SPIRE1: variants seen among roughly 807,000 people sequenced by gnomAD.
SPIRE1 encodes the protein protein spire homolog 1.
SPIRE1 carries 40 observed loss-of-function variants against 94.1 expected under a neutral mutation model. The ratio of observed to expected loss-of-function variants is 0.43; its 90% CI spans 0.33 to 0.55. The LOEUF (loss-of-function observed/expected upper bound fraction) is 0.55, where lower values mean the gene tolerates loss of function less well. Ranked by LOEUF, SPIRE1 falls within the 20% of genes least tolerant of loss-of-function variation. The probability of loss-of-function intolerance (pLI) is 0.06; values close to 1 mark genes in which losing one functional copy is unlikely to be tolerated. For missense variants in SPIRE1, 838 were observed against 975.2 expected (o/e 0.86, Z 1.87); for synonymous variants, 376 against 371.7 (o/e 1.01, Z -0.13).
At chr18:12,539,903 G>A (rs527780097) in intron 3 of SPIRE1, among the ~76,000 whole-genome samples, 1 of 150,552 alleles carries the variant, frequency 6.6e-6, no homozygotes, top group Admixed American at 6.6e-5. Flanking sequence ...CTCCAGCCTG[G>A]GCAACAGAGA....
chr18:12,642,165 A>C (rs2038105040), intron 1 of SPIRE1, among the ~76,000 whole-genome samples: 1 of 152,162 alleles, frequency 6.6e-6, no homozygotes, highest in Admixed American at 6.5e-5. Context: ...AAAAGCATTC[A>C]TCTGTTCATT....
rs556575659 is a variant in SPIRE1, at chr18:12,533,300, G to A, written c.729+2176C>T. Among the ~76,000 whole-genome samples the A allele has an allele frequency of 1.6e-4, 25 of 152,268 alleles. No individual in the cohort carries two copies. In the South Asian group the frequency reaches 5.2e-3, roughly 32 times the overall value. ...TTTCTGCAGGCACTGCCACACAGCA[G>A]TTTTACTCCACCTGTCAGCTTTTTC... On this transcript the variant is annotated intron_variant, in intron 4 of 16. Transcript: ENST00000409402.
chr18:12,627,320 T>TC (rs1166782786), intron 2 of SPIRE1, among the ~76,000 whole-genome samples: 4 of 152,128 alleles, frequency 2.6e-5, no homozygotes, highest in African/African-American at 9.7e-5. Flanking sequence ...TGTTTGGTTT[T>TC]CCGTCCTTGC....
chr18:12,523,744 T>C (rs964046873), intron 4 of SPIRE1, among the ~76,000 whole-genome samples: 9 of 152,152 alleles, frequency 5.9e-5, no homozygotes, highest in Non-Finnish European at 1.3e-4. Flanking sequence ...TGCAAAATGG[T>C]GTAATCACAC....
At chr18:12,582,230 A>G (rs900552853) in intron 2 of SPIRE1, among the ~76,000 whole-genome samples, 4 of 152,246 alleles carry the variant, frequency 2.6e-5, no homozygotes, top group Admixed American at 1.3e-4. Context: ...CTATGCTTCA[A>G]TCCCCTTTGG....
In SPIRE1 at chr18:12,546,896, T is replaced by C; in HGVS notation, c.381A>G (p.Glu127=). ...YSQCMETEVI[E]SLGIIIYKAL... is the part of the protein sequence containing the mutation. ...CTTTATAAATAATAATTCCCAAAGA[T>C]TCAATGACCTAGGAACATTTAAAAA... The change falls in exon 3 of 17, where the codon GAA becomes GAG. Residue 127 remains glutamate, a synonymous_variant. Coordinates refer to ENST00000409402, the MANE Select transcript of SPIRE1 (RefSeq NM_001128626.2). 1 of 1,610,928 alleles carries C rather than the reference T, an allele frequency of 6.2e-7. No individual in the cohort carries two copies. The highest frequency in any genetic ancestry group is 1.1e-5 in the South Asian group (1 of 90,814).
At chr18:12,582,804 T>C (rs1432344155) in intron 2 of SPIRE1, among the ~76,000 whole-genome samples, 1 of 152,172 alleles carries the variant, frequency 6.6e-6, no homozygotes, top group African/African-American at 2.4e-5. Flanking sequence ...GTTCAATAAA[T>C]GTTCATTGAA....
rs368087838 is a variant in SPIRE1, at chr18:12,464,877, T to C, written c.1486A>G (p.Thr496Ala). ...PEEPVLEAVS[T>A]RKKPPKFLPI... Reference sequence around the variant, plus strand: ...CACCACAACTACTCACTCTTCCTTGTGGACACGGCCTCCAGGACTGGCTCT... The same window carrying C: ...CACCACAACTACTCACTCTTCCTTGCGGACACGGCCTCCAGGACTGGCTCT... Residue 496 changes from threonine to alanine, a missense_variant, in exon 11 of 17, where the codon ACA (threonine) becomes GCA (alanine). Around this residue, in one of 2 missense-constraint regions of SPIRE1, gnomAD observed 645 missense variants for 804.7 expected, o/e 0.80. Coordinates refer to ENST00000409402, the MANE Select transcript of SPIRE1 (RefSeq NM_001128626.2). 3 of 1,613,598 alleles carry C rather than the reference T, an allele frequency of 1.9e-6. No homozygotes were observed. In the Admixed American group the frequency reaches 5.0e-5, roughly 27 times the overall value.
intron 11 of SPIRE1, among the ~76,000 whole-genome samples, chr18:12,463,883 T>G (rs2031980101): frequency 1.3e-5 from 2 of 152,246 alleles, no homozygotes; most frequent in Non-Finnish European, 2.9e-5. Flanking sequence ...CTGCAAAAAG[T>G]AAGCTTCAGC....
chr18:12,645,530 TC>T (rs1353532628), intron 1 of SPIRE1, among the ~76,000 whole-genome samples: 2 of 152,100 alleles, frequency 1.3e-5, no homozygotes, highest in Non-Finnish European at 1.5e-5. Context: ...TCACTCTCAA[TC>T]TGATTCTTTC....
At chr18:12,611,626 T>G (rs1598528600) in intron 2 of SPIRE1, among the ~76,000 whole-genome samples, 1 of 152,200 alleles carries the variant, frequency 6.6e-6, no homozygotes, top group Admixed American at 6.5e-5. Flanking sequence ...GAAACTGAAA[T>G]AGTAAATCTT....
intron 1 of SPIRE1, among the ~76,000 whole-genome samples, chr18:12,644,310 G>A (rs1470977226): frequency 2.6e-5 from 4 of 151,674 alleles, no homozygotes; most frequent in Non-Finnish European, 4.4e-5. Context: ...CAATACAACA[G>A]TTCAAATATT....
chr18:12,650,738 G>A (rs2038356992), intron 1 of SPIRE1, among the ~76,000 whole-genome samples: 2 of 150,544 alleles, frequency 1.3e-5, no homozygotes, highest in African/African-American at 4.9e-5. Context: ...AATTACCCAG[G>A]CATGGTGACA....
rs1341225589 is a variant in SPIRE1 at position 12,463,511 on chromosome 18, T to C, written c.1496-18A>G. 8.1e-6 allele frequency: 13 copies of C among 1,601,456 alleles called. No homozygotes were observed. Among genetic ancestry groups the C allele is most frequent in the Non-Finnish European group, 1.1e-5 (13 of 1,174,098 alleles). On this transcript the variant is annotated intron_variant, in intron 11 of 16. Transcript: ENST00000409402. Reference sequence around the variant, plus strand: ...TGGAGGCTCTAAAGATTGAACCAAATGAAATAAAACTTACTGTGAATTTTC... The same window carrying C: ...TGGAGGCTCTAAAGATTGAACCAAACGAAATAAAACTTACTGTGAATTTTC...
intron 2 of SPIRE1, among the ~76,000 whole-genome samples, chr18:12,634,153 C>A (rs1214673311): frequency 1.3e-5 from 2 of 151,914 alleles, no homozygotes; most frequent in Admixed American, 6.6e-5. Flanking sequence ...GAGGCTGGGG[C>A]AGGAGAATGG....
intron 4 of SPIRE1, among the ~76,000 whole-genome samples, chr18:12,525,373 G>A (rs538459366): frequency 6.7e-6 from 1 of 150,338 alleles, no homozygotes; most frequent in South Asian, 2.1e-4. Context: ...TTATCGTGAT[G>A]CTAGTTAGGT....
chr18:12,463,741 C>G (rs992876425), intron 11 of SPIRE1, among the ~76,000 whole-genome samples: 3 of 152,082 alleles, frequency 2.0e-5, no homozygotes, highest in Admixed American at 6.6e-5. Context: ...GAAAGATTCC[C>G]AAATCATACC....
intron 2 of SPIRE1, among the ~76,000 whole-genome samples, chr18:12,614,356 T>C (rs945145332): frequency 1.3e-5 from 2 of 152,202 alleles, no homozygotes; most frequent in Non-Finnish European, 2.9e-5. Flanking sequence ...CTAGAAAATT[T>C]CAAATTATGT....
rs565596863 is a variant in SPIRE1 at position 12,592,133 on chromosome 18, T to G, written c.372+42929A>C. On this transcript the variant is annotated intron_variant, in intron 2 of 16. Transcript: ENST00000409402. ...AGAGAAGATACCGAGCTGTAAGTCA[T>G]CAGCACAGAGATGAGATTTAAAACA... Among the ~76,000 whole-genome samples the G allele has an allele frequency of 2.9e-3, 434 of 152,162 alleles. 1 individual carries two copies. Among genetic ancestry groups the G allele is most frequent in the Non-Finnish European group, 3.9e-3 (268 of 68,008 alleles).
Sources: allele counts gnomAD v4.1 joint callset (sites outside exome capture counted in the v4.1 genomes callset), GRCh38; gene constraint gnomAD v4.1.1; regional missense constraint gnomAD v4.1.1; transcripts MANE v1.5; gene names NCBI Gene and HGNC (gene_info 2026-07-23, HGNC 2026-07-21).